The following SAMD5 variants were observed in gnomAD, a reference collection of about 807,000 sequenced individuals.
SAMD5 encodes the protein sterile alpha motif domain-containing protein 5.
A neutral mutation model predicts 11.3 loss-of-function variants in SAMD5; 13 were observed. That is an observed-to-expected ratio of 1.15 (90% CI 0.75 to 1.83). The LOEUF (loss-of-function observed/expected upper bound fraction) is 1.83. Among genes scored for constraint, SAMD5 ranks in the 40% most tolerant of loss-of-function variants. SAMD5 has a pLI of 0.00. For missense variants in SAMD5, 255 were observed against 239.1 expected, an observed-to-expected ratio of 1.07 and a Z score of -0.44; for synonymous variants, 129 against 111.3, an observed-to-expected ratio of 1.16 and a Z score of -1.00.
chr6:147,875,616 G>A, the SAMD5 span, among the ~76,000 whole-genome samples: 1 of 152,140 alleles, frequency 6.6e-6, no homozygotes. Context: ...TGGTGGGCAA[G>A]CCAGGAAGCT....
rs192551004 is a variant in SAMD5, at chr6:147,630,429, G to A, written c.163-106888G>A. 6.8e-3 allele frequency among the ~76,000 whole-genome samples: 1,028 copies of A among 152,270 alleles called. 11 individuals are homozygous for A. The highest frequency in any genetic ancestry group is 0.023 in the African/African-American group (962 of 41,558). ...TATTTGTCCAGACGGCCTGAAGCAA[G>A]TGAAGAATCACAAAATAAGTGAAAA... On this transcript the variant is annotated intron_variant, in intron 1 of 1. Coordinates refer to the SAMD5 transcript ENST00000566741.
chr6:147,897,315 G>A, the SAMD5 span, among the ~76,000 whole-genome samples: 1 of 152,132 alleles, frequency 6.6e-6, no homozygotes, highest in African/African-American at 2.4e-5. Context: ...AATGCATCCT[G>A]GGTGACAGCA....
intron 1 of SAMD5, among the ~76,000 whole-genome samples, chr6:147,642,349 G>A (rs2128452480): frequency 6.6e-6 from 1 of 152,126 alleles, no homozygotes; most frequent in East Asian, 1.9e-4. Flanking sequence ...TGTTCCCATT[G>A]GTAGATGTGC....
chr6:147,817,867 T>C, the SAMD5 span, among the ~76,000 whole-genome samples: 2 of 152,240 alleles, frequency 1.3e-5, no homozygotes, highest in Admixed American at 1.3e-4. Flanking sequence ...TTGAGTACTT[T>C]CTACTCATCT....
At chr6:147,903,909 G>GA in the SAMD5 span, among the ~76,000 whole-genome samples, 2,311 of 142,286 alleles carry the variant, frequency 0.016, 43 homozygotes, top group African/African-American at 0.045. Flanking sequence ...CTCCATCTTG[G>GA]AAAAAAAAAA....
At position 147,641,730 on chromosome 6, in the gene SAMD5, G is replaced by A. The variant is rs978228864; in HGVS notation, c.163-95587G>A. 6.6e-5 allele frequency among the ~76,000 whole-genome samples: 10 copies of A among 152,060 alleles called. No individual in the cohort carries two copies. The East Asian group carries it at 1.5e-3, about 23-fold the overall frequency. ...TAACATCCAGCGGTCTCAAAACTCC[G>A]CTGTGCTCTTTTCTTCACTGTTGCC... On this transcript the variant is annotated intron_variant, in intron 1 of 1. Transcript: ENST00000566741.
At position 147,567,623 on chromosome 6, in the gene SAMD5, T is replaced by C. The variant is rs1290709004; in HGVS notation, c.*3167T>C. ...ACAGTCCTTGGCTCAGTGCTAGGCA[T>C]GTAGCAGGTGCTGACTGCCTCTCTC... is the stretch of plus-strand genomic sequence containing the variant. On this transcript the variant is annotated 3_prime_UTR_variant, in exon 2 of 2. Coordinates refer to ENST00000367474, the MANE Select transcript of SAMD5 (RefSeq NM_001030060.3). 4.8e-5 allele frequency: 47 copies of C among 979,696 alleles called. No homozygotes were observed. Among genetic ancestry groups the C allele is most frequent in the Non-Finnish European group, 5.7e-5 (47 of 824,846 alleles). 60.7% of individuals were successfully genotyped at this position (979,696 alleles called of 1,614,324 possible).
At chr6:147,519,447 CAG>C (rs1375146405) in intron 1 of SAMD5, among the ~76,000 whole-genome samples, 1 of 152,146 alleles carries the variant, frequency 6.6e-6, no homozygotes, top group Non-Finnish European at 1.5e-5. Flanking sequence ...ATCTGCAAAA[CAG>C]AATTTGCATT....
the SAMD5 span, among the ~76,000 whole-genome samples, chr6:147,874,021 A>T: frequency 2.6e-5 from 4 of 152,200 alleles, no homozygotes; most frequent in African/African-American, 7.2e-5. Context: ...TACAGCATTT[A>T]AAAAAATGTA....
At chr6:147,856,825 G>C in the SAMD5 span, among the ~76,000 whole-genome samples, 8 of 79,162 alleles carry the variant, frequency 1.0e-4, no homozygotes, top group East Asian at 1.0e-3. Context: ...GGGGCGCGGG[G>C]GGGGGGGGAA....
At chr6:147,652,903 A>G (rs892811484) in intron 1 of SAMD5, among the ~76,000 whole-genome samples, 1 of 152,064 alleles carries the variant, frequency 6.6e-6, no homozygotes. Flanking sequence ...TCTTCCATTC[A>G]TTACAGCTGC....
At chr6:147,917,608 T>A in the SAMD5 span, among the ~76,000 whole-genome samples, 1 of 152,116 alleles carries the variant, frequency 6.6e-6, no homozygotes, top group South Asian at 2.1e-4. Context: ...TTGCTTTTGG[T>A]GTTTTAGACA....
chr6:147,588,333 AG>A (rs1789404834), intron 1 of SAMD5, among the ~76,000 whole-genome samples: 1 of 67,908 alleles, frequency 1.5e-5, no homozygotes, highest in Non-Finnish European at 2.6e-5. Context: ...TTTTTTTTTG[AG>A]ACGGAGTCTC....
chr6:147,675,659 T>C lies in SAMD5; in HGVS notation c.163-61658T>C, dbSNP rs906951823. 3.2e-4 allele frequency among the ~76,000 whole-genome samples: 49 copies of C among 152,230 alleles called. 1 individual carries two copies. Among genetic ancestry groups the C allele is most frequent in the Admixed American group, 1.3e-4 (2 of 15,286 alleles). Reference sequence around the variant, plus strand: ...ATGGTATATGTCATTAAGGCCTCACTCTTAAATTTGCTGTATTTGATACAG... The same window carrying C: ...ATGGTATATGTCATTAAGGCCTCACCCTTAAATTTGCTGTATTTGATACAG... On this transcript the variant is annotated intron_variant, in intron 1 of 1. Coordinates refer to the SAMD5 transcript ENST00000566741.
intron 1 of SAMD5, chr6:147,733,708 G>A (rs371587308): frequency 1.4e-4 from 80 of 570,740 alleles, no homozygotes; most frequent in South Asian, 3.1e-4. Context: ...CTGAATCCCC[G>A]CTGTGATTCA....
chr6:147,593,449 G>A (rs973066213), intron 1 of SAMD5, among the ~76,000 whole-genome samples: 2 of 152,152 alleles, frequency 1.3e-5, no homozygotes, highest in African/African-American at 2.4e-5. Context: ...AAAAGTCACC[G>A]ATTTAATAGA....
At chr6:147,734,130 T>G (rs1365472108) in intron 1 of SAMD5, among the ~76,000 whole-genome samples, 28 of 152,230 alleles carry the variant, frequency 1.8e-4, no homozygotes, top group Non-Finnish European at 8.8e-5. Flanking sequence ...CATGATAGCT[T>G]ATTTATGTAA....
the SAMD5 span, among the ~76,000 whole-genome samples, chr6:147,777,152 T>A: frequency 6.6e-6 from 1 of 151,860 alleles, no homozygotes; most frequent in Non-Finnish European, 1.5e-5. Context: ...GTATTTGACT[T>A]TTTTTTTCTC....
intron 1 of SAMD5, among the ~76,000 whole-genome samples, chr6:147,659,273 CTT>C (rs1790613358): frequency 6.6e-6 from 1 of 151,780 alleles, no homozygotes. Flanking sequence ...AAAAAAATAA[CTT>C]TAACATTATT....
Sources: gnomAD v4.1 joint callset for allele counts (sites outside exome capture counted in the v4.1 genomes callset) on GRCh38, gnomAD v4.1.1 for gene constraint, MANE v1.5 for transcripts, NCBI Gene and HGNC (gene_info 2026-07-23, HGNC 2026-07-21) for gene names.